RICTOR: variants seen among roughly 807,000 people sequenced by gnomAD.
RICTOR encodes the protein rapamycin-insensitive companion of mTOR.
RICTOR carries 49 observed loss-of-function variants against 214.9 expected under a neutral mutation model. The observed-to-expected ratio is 0.23, with a 90% CI of 0.18 to 0.29. The LOEUF (loss-of-function observed/expected upper bound fraction) is 0.29, where lower values mean the gene tolerates loss of function less well. Ranked by LOEUF, RICTOR falls within the 10% of genes least tolerant of loss-of-function variation. The probability of loss-of-function intolerance (pLI) is 1.00; values close to 1 mark genes in which losing one functional copy is unlikely to be tolerated. For missense variants in RICTOR, 1,625 were observed against 2,047.0 expected (o/e 0.79, Z 3.98); for synonymous variants, 717 against 711.3 (o/e 1.01, Z -0.13).
chr5:39,045,073 T>C (rs769136976), intron 2 of RICTOR, among the ~76,000 whole-genome samples: 19 of 152,184 alleles, frequency 1.2e-4, no homozygotes, highest in Non-Finnish European at 2.2e-4. Flanking sequence ...ACTTCATCTC[T>C]TTCCCTTTTC....
intron 7 of RICTOR, among the ~76,000 whole-genome samples, chr5:38,986,837 A>G (rs1752207038): frequency 6.6e-6 from 1 of 152,258 alleles, no homozygotes; most frequent in South Asian, 2.1e-4. Flanking sequence ...TTGCTCATTC[A>G]GTATGATATT....
chr5:38,981,644 AC>A, intron 8 of RICTOR: 1 of 395,616 alleles, frequency 2.5e-6, no homozygotes, highest in Admixed American at 4.1e-5. Context: ...CATAGATAAT[AC>A]AAAAATAAAA....
rs1554057795 is a variant in RICTOR at position 38,940,153 on chromosome 5, A to AAAAAAAAAAAAAC, written c.*2150_*2151insGTTTTTTTTTTTT. 3 of 228,872 alleles carry AAAAAAAAAAAAAC rather than the reference A, an allele frequency of 1.3e-5. No homozygotes were observed. Among genetic ancestry groups the AAAAAAAAAAAAAC allele is most frequent in the African/African-American group, 6.7e-5 (3 of 44,518 alleles). 14.2% of individuals were successfully genotyped at this position (228,872 alleles called of 1,614,324 possible). ...AGTAAAAAAAAAAAACAAAAAAAAA[A>AAAAAAAAAAAAAC]ACACAAAACATTCAGGCCAATACTA... On this transcript the variant is annotated 3_prime_UTR_variant, in exon 38 of 38. Coordinates refer to ENST00000357387, the MANE Select transcript of RICTOR (RefSeq NM_152756.5).
At chr5:39,033,987 A>G (rs893812783) in intron 2 of RICTOR, among the ~76,000 whole-genome samples, 4 of 152,210 alleles carry the variant, frequency 2.6e-5, no homozygotes, top group African/African-American at 4.8e-5. Context: ...GTGTACACAA[A>G]AACATCTGCC....
At chr5:38,942,760 T>C in intron 37 of RICTOR, 73 bp downstream of exon 37, 1 of 1,247,862 alleles carries the variant, frequency 8.0e-7, no homozygotes, top group South Asian at 1.3e-5. Flanking sequence ...CCAGCTATAA[T>C]CTGTATTTTA....
chr5:38,959,285 G>C lies in RICTOR; in HGVS notation c.2088C>G (p.His696Gln). The stretch of plus-strand genomic sequence containing the variant: ...AGCTAGAAACAGTAAGTTTTAGCAA[G>C]TGATCTTGGTTTTTCAAGGAGCAAA... ...LNLCSLKNQD[H>Q]LLKLTVSSLD... Residue 696 changes from histidine (H) to glutamine (Q), a missense_variant, in exon 22 of 38, where the codon CAC becomes CAG. Transcript: ENST00000357387. 1 of 1,586,452 alleles carries C rather than the reference G, an allele frequency of 6.3e-7. No homozygotes were observed. Among genetic ancestry groups the C allele is most frequent in the Non-Finnish European group, 8.6e-7 (1 of 1,163,858 alleles).
At position 38,952,263 on chromosome 5, in the gene RICTOR, G is replaced by A. The variant is rs752100193; in HGVS notation, c.3060C>T (p.Ser1020=). Residue 1020 remains serine, a synonymous_variant, in exon 30 of 38, where the codon AGC becomes AGT. Coordinates refer to ENST00000357387, the MANE Select transcript of RICTOR (RefSeq NM_152756.5). ...TTGACTCCGAGTTCAAACTTAGAGT[G>A]CTTGGGATAGATGAAAGTTCATTAC... is the stretch of plus-strand genomic sequence containing the variant. The part of the protein sequence containing the change: ...QLCNELSSIP[S]TLSLNSESTS... 5 of 1,612,976 alleles carry A rather than the reference G, an allele frequency of 3.1e-6. No homozygotes were observed. The Admixed American group carries it at 8.3e-5, about 27-fold the overall frequency.
chr5:38,951,107 T>A (rs1748747424), intron 30 of RICTOR, among the ~76,000 whole-genome samples: 1 of 151,938 alleles, frequency 6.6e-6, no homozygotes, highest in Admixed American at 6.6e-5. Context: ...TAAATTACTA[T>A]AAGCAGGAGA....
At chr5:38,980,147 A>G (rs1751584179) in intron 8 of RICTOR, among the ~76,000 whole-genome samples, 1 of 151,940 alleles carries the variant, frequency 6.6e-6, no homozygotes, top group Admixed American at 6.6e-5. Flanking sequence ...TATTTCATCT[A>G]TTTTATTTCT....
chr5:39,036,084 C>G (rs1363516910), intron 2 of RICTOR, among the ~76,000 whole-genome samples: 16 of 152,206 alleles, frequency 1.1e-4, no homozygotes, highest in Non-Finnish European at 1.5e-5. Context: ...GGGTTACCCA[C>G]AAAGGGAAGC....
chr5:38,980,030 C>T (rs563975692), intron 8 of RICTOR, among the ~76,000 whole-genome samples: 3 of 152,136 alleles, frequency 2.0e-5, no homozygotes, highest in Non-Finnish European at 4.4e-5. Context: ...CCTGTTCAAA[C>T]TGAATTTTAA....
At chr5:38,989,524 G>T (rs1184612410) in intron 7 of RICTOR, among the ~76,000 whole-genome samples, 2 of 152,054 alleles carry the variant, frequency 1.3e-5, no homozygotes, top group Non-Finnish European at 2.9e-5. Context: ...AAACTAAAGG[G>T]CTTCTGCACA....
Position 38,958,688 on chromosome 5 carries a change from G to T in RICTOR, c.2322C>A (p.Leu774=), listed in dbSNP as rs752425569. Residue 774 remains leucine, a synonymous_variant, in exon 23 of 38, where the codon CTC becomes CTA. Transcript: ENST00000357387. Reference sequence around the variant, plus strand: ...TTACCTTGTCTTCACATGCTTCATCGAGGATATCAAGAGCTTCAGAGGAAA... The same window carrying T: ...TTACCTTGTCTTCACATGCTTCATCTAGGATATCAAGAGCTTCAGAGGAAA... ...KTISSEALDI[L]DEACEDKANL... The T allele has an allele frequency of 6.2e-7, 1 of 1,605,706 alleles. No individual in the cohort carries two copies. The highest frequency in any genetic ancestry group is 8.5e-7 in the Non-Finnish European group (1 of 1,177,118).
chr5:39,046,163 A>G (rs770278514), intron 2 of RICTOR, among the ~76,000 whole-genome samples: 1 of 151,552 alleles, frequency 6.6e-6, no homozygotes, highest in Admixed American at 6.6e-5. Context: ...CAGCAATAAG[A>G]GCACTGTAAG....
At chr5:38,975,147 C>T (rs967952485) in intron 10 of RICTOR, among the ~76,000 whole-genome samples, 1 of 152,102 alleles carries the variant, frequency 6.6e-6, no homozygotes, top group African/African-American at 2.4e-5. Flanking sequence ...TATTAATGGC[C>T]TATCTTGCTT....
At chr5:38,990,765 GAT>G (rs1448587973) in intron 7 of RICTOR, among the ~76,000 whole-genome samples, 182 bp downstream of exon 7, 11 of 18,456 alleles carry the variant, frequency 6.0e-4, no homozygotes, top group Non-Finnish European at 5.2e-4. Flanking sequence ...ATATATATGA[GAT>G]ATATGATATA....
chr5:38,963,212 T>A (rs1749940469), intron 16 of RICTOR, among the ~76,000 whole-genome samples, 171 bp from the exon 17 acceptor site: 1 of 152,036 alleles, frequency 6.6e-6, no homozygotes, highest in Non-Finnish European at 1.5e-5. Flanking sequence ...CACTACTGAT[T>A]TATATAAAGA....
At chr5:38,954,892 T>C (rs9292726) in intron 26 of RICTOR, 31 bp from the exon 27 acceptor site, 1,078,998 of 1,107,164 alleles carry the variant, frequency 0.97, 526,107 homozygotes, top group East Asian at 0.99. Flanking sequence ...ACTATATCTC[T>C]TGGCTAATTT....
At chr5:39,051,040 TATACACACAC>T (rs879495635) in intron 2 of RICTOR, among the ~76,000 whole-genome samples, 2,401 of 100,956 alleles carry the variant, frequency 0.024, 40 homozygotes, top group South Asian at 0.13. Context: ...CATACATATA[TATACACACAC>T]ACACACACAC....
Sources: allele counts gnomAD v4.1 joint callset (sites outside exome capture counted in the v4.1 genomes callset), GRCh38; gene constraint gnomAD v4.1.1; transcripts MANE v1.5; gene names NCBI Gene and HGNC (gene_info 2026-07-23, HGNC 2026-07-21).